The following TMEM266 variants were observed in gnomAD, a reference collection of about 807,000 sequenced individuals.
TMEM266 encodes the protein transmembrane protein 266.
A neutral mutation model predicts 50.5 loss-of-function variants in TMEM266; 33 were observed. The observed-to-expected ratio is 0.65, with a 90% CI of 0.50 to 0.87. The LOEUF (loss-of-function observed/expected upper bound fraction) is 0.87. Among genes scored for constraint, TMEM266 ranks in the 40% least tolerant of loss-of-function variants. The pLI, the probability that TMEM266 is intolerant of heterozygous loss-of-function variation, is 0.00. For synonymous variants in TMEM266, 310 were observed against 292.3 expected (o/e 1.06, Z -0.62); for missense variants, 655 against 695.1 (o/e 0.94, Z 0.65).
At chr15:76,171,157 C>A in intron 7 of TMEM266, 26 bp downstream of exon 7, 2 of 1,608,930 alleles carry the variant, frequency 1.2e-6, no homozygotes, top group South Asian at 2.2e-5. Flanking sequence ...GGGGTGTGGT[C>A]AGTGGGGCTG....
intron 1 of TMEM266, among the ~76,000 whole-genome samples, chr15:76,095,970 C>T (rs1457594762): frequency 6.6e-6 from 1 of 151,948 alleles, no homozygotes; most frequent in Admixed American, 6.6e-5. Flanking sequence ...ATATCCCCTT[C>T]ATCATTTTTT....
In TMEM266 at chr15:76,190,053, T is replaced by G. The variant is rs1004579348; in HGVS notation, c.769-1915T>G. On this transcript the variant is annotated intron_variant, in intron 8 of 10. Transcript: ENST00000388942. ...TTTAGTTGTATGTGTTTTACGTTCA[T>G]AAAAGTAAAATCAACAAAATATTAA... 2.0e-5 allele frequency among the ~76,000 whole-genome samples: 3 copies of G among 152,322 alleles called. No homozygotes were observed. In the South Asian group the frequency reaches 6.2e-4, roughly 32 times the overall value.
intron 1 of TMEM266, among the ~76,000 whole-genome samples, chr15:76,085,251 G>A (rs112063545): frequency 0.23 from 33,424 of 148,370 alleles, 4,143 homozygotes; most frequent in Non-Finnish European, 0.27. Flanking sequence ...GAGCCACCGC[G>A]CCCAGCCTTT....
intron 1 of TMEM266, among the ~76,000 whole-genome samples, chr15:76,084,703 C>A (rs1322190159): frequency 6.6e-6 from 1 of 150,942 alleles, no homozygotes; most frequent in African/African-American, 2.4e-5. Flanking sequence ...TGGGTTCAAG[C>A]AATTCTTCTG....
intron 5 of TMEM266, among the ~76,000 whole-genome samples, chr15:76,162,161 C>T (rs1009715404): frequency 1.5e-4 from 23 of 152,108 alleles, no homozygotes; most frequent in African/African-American, 5.6e-4. Context: ...CTGCAGGAGA[C>T]TGGGGAGGAA....
chr15:76,159,309 G>A lies in TMEM266; in HGVS notation c.383-786G>A, dbSNP rs188222427. On this transcript the variant is annotated intron_variant, in intron 4 of 10. Transcript: ENST00000388942. Reference sequence around the variant, plus strand: ...AACCATGCCATGCCAGGGTTCAAAGGCTGGCTGTGGCTTCATGTATTTTAA... The same window carrying A: ...AACCATGCCATGCCAGGGTTCAAAGACTGGCTGTGGCTTCATGTATTTTAA... Among the ~76,000 whole-genome samples, 31 of 152,328 alleles carry A rather than the reference G, an allele frequency of 2.0e-4. No individual in the cohort carries two copies. In the East Asian group the frequency reaches 4.2e-3, roughly 21 times the overall value.
intron 1 of TMEM266, among the ~76,000 whole-genome samples, chr15:76,120,236 C>T (rs1318538547): frequency 6.6e-6 from 1 of 151,354 alleles, no homozygotes; most frequent in Non-Finnish European, 1.5e-5. Flanking sequence ...AAAAAGAAAC[C>T]GTATCAATGG....
At position 76,180,543 on chromosome 15, in the gene TMEM266, C is replaced by T. The variant is rs74725515; in HGVS notation, c.768+4869C>T. On this transcript the variant is annotated intron_variant, in intron 8 of 10. Transcript: ENST00000388942. ...TCACTGTGATGCGGCCTGGATCACC[C>T]GGCTGGGGCAGCGTGGGTCAGGTGT... 1.6e-3 allele frequency among the ~76,000 whole-genome samples: 237 copies of T among 148,548 alleles called. 1 individual carries two copies. The highest frequency in any genetic ancestry group is 5.4e-3 in the African/African-American group (220 of 41,026).
chr15:76,176,495 G>GGGAC (rs1402975371), intron 8 of TMEM266: 1 of 152,690 alleles, frequency 6.5e-6, no homozygotes, highest in African/African-American at 2.4e-5. Context: ...TGCTACTGAG[G>GGGAC]GGACTGGCAA....
intron 4 of TMEM266, 86 bp downstream of exon 4, chr15:76,156,844 C>G: frequency 7.1e-7 from 1 of 1,400,748 alleles, no homozygotes; most frequent in Non-Finnish European, 9.8e-7. Flanking sequence ...CCCCAACCTG[C>G]AGGCTGTGAT....
chr15:76,143,608 G>A (rs1270650126), intron 3 of TMEM266, among the ~76,000 whole-genome samples: 1 of 152,080 alleles, frequency 6.6e-6, no homozygotes, highest in African/African-American at 2.4e-5. Context: ...CTCCCGCCTC[G>A]GCCTCCCGGA....
At chr15:76,120,366 T>C (rs923932572) in intron 1 of TMEM266, among the ~76,000 whole-genome samples, 1 of 152,082 alleles carries the variant, frequency 6.6e-6, no homozygotes, top group Non-Finnish European at 1.5e-5. Context: ...CTACAAGATA[T>C]TGTCAAATGG....
At chr15:76,149,513 C>T (rs1321270809) in intron 3 of TMEM266, among the ~76,000 whole-genome samples, 4 of 152,210 alleles carry the variant, frequency 2.6e-5, no homozygotes, top group African/African-American at 9.7e-5. Context: ...TAAATCATCA[C>T]CATAGATCAT....
chr15:76,150,463 C>T (rs971403586), intron 3 of TMEM266, among the ~76,000 whole-genome samples: 1 of 152,212 alleles, frequency 6.6e-6, no homozygotes, highest in African/African-American at 2.4e-5. Flanking sequence ...TGGGCTGATG[C>T]CGTGACTCTC....
chr15:76,203,028 C>T (rs1310248412), intron 10 of TMEM266, among the ~76,000 whole-genome samples: 25 of 152,226 alleles, frequency 1.6e-4, no homozygotes, highest in Middle Eastern at 3.4e-3. Flanking sequence ...TCCCAGTCCT[C>T]CACAACTTTG....
rs71444968 is a variant in TMEM266 at position 76,157,998 on chromosome 15, G to GTAAATAAA, written c.382+1263_382+1270dup. Among the ~76,000 whole-genome samples the GTAAATAAA allele has an allele frequency of 3.7e-3, 550 of 150,510 alleles. 1 individual carries two copies. Among genetic ancestry groups the GTAAATAAA allele is most frequent in the African/African-American group, 4.9e-3 (201 of 40,918 alleles). ...GTGAGACCCCATCTCAAATAAATAA[G>GTAAATAAA]TAAATAAATAAATAAATAAATAAAT... On this transcript the variant is annotated intron_variant, in intron 4 of 10. Coordinates refer to ENST00000388942, the MANE Select transcript of TMEM266 (RefSeq NM_152335.3).
At chr15:76,118,249 G>A (rs1473688493) in intron 1 of TMEM266, among the ~76,000 whole-genome samples, 1 of 152,110 alleles carries the variant, frequency 6.6e-6, no homozygotes, top group Non-Finnish European at 1.5e-5. Flanking sequence ...ACTGCCTTGG[G>A]CCCTCCATTC....
chr15:76,095,704 T>C (rs1296985020), intron 1 of TMEM266, among the ~76,000 whole-genome samples: 1 of 152,054 alleles, frequency 6.6e-6, no homozygotes, highest in Non-Finnish European at 1.5e-5. Context: ...AGCTCCTCCT[T>C]GTACCTCTGG....
chr15:76,130,254 A>AAAAG (rs2037487870), intron 1 of TMEM266, among the ~76,000 whole-genome samples: 1 of 34,868 alleles, frequency 2.9e-5, no homozygotes, highest in Non-Finnish European at 5.5e-5. Flanking sequence ...AAAAAAAAAA[A>AAAAG]CCGCCGGGTG....
Sources: gnomAD v4.1 joint callset for allele counts (sites outside exome capture counted in the v4.1 genomes callset) on GRCh38, gnomAD v4.1.1 for gene constraint, MANE v1.5 for transcripts, NCBI Gene and HGNC (gene_info 2026-07-23, HGNC 2026-07-21) for gene names.